The following CARMIL1 variants were observed in gnomAD, a reference collection of about 807,000 sequenced individuals.
The protein encoded by CARMIL1 is capping protein regulator and myosin 1 linker 1.
CARMIL1 carries 90 observed loss-of-function variants against 177.1 expected under a neutral mutation model. The ratio of observed to expected loss-of-function variants is 0.51; its 90% CI spans 0.43 to 0.61. CARMIL1 has a LOEUF of 0.61. Ranked by LOEUF, CARMIL1 falls within the 20% of genes least tolerant of loss-of-function variation. CARMIL1 has a pLI of 0.00. For missense variants in CARMIL1, 1,380 were observed against 1,667.0 expected, an observed-to-expected ratio of 0.83 and a Z score of 3.00; for synonymous variants, 577 against 606.2, an observed-to-expected ratio of 0.95 and a Z score of 0.71.
At chr6:25,479,092 C>G (rs1446252308) in intron 11 of CARMIL1, 1 of 518,874 alleles carries the variant, frequency 1.9e-6, no homozygotes, top group Non-Finnish European at 3.8e-6. Flanking sequence ...GAGAAGAGGC[C>G]TTTTGTTTCT....
At chr6:25,483,119 T>C (rs150854956) in intron 12 of CARMIL1, among the ~76,000 whole-genome samples, 1 of 152,342 alleles carries the variant, frequency 6.6e-6, no homozygotes, top group African/African-American at 2.4e-5. Flanking sequence ...GTAACATTAT[T>C]GCATAAATAT....
chr6:25,571,278 A>G (rs2151219098), intron 29 of CARMIL1, among the ~76,000 whole-genome samples: 1 of 152,324 alleles, frequency 6.6e-6, no homozygotes, highest in South Asian at 2.1e-4. Context: ...CATTCTGAGC[A>G]CCAAAAAGCA....
intron 2 of CARMIL1, among the ~76,000 whole-genome samples, chr6:25,317,064 C>T (rs867562705): frequency 3.5e-4 from 54 of 152,246 alleles, no homozygotes; most frequent in Non-Finnish European, 5.6e-4. Flanking sequence ...GGGTACTGAG[C>T]GTGCTGTTTA....
chr6:25,399,444 G>A (rs1252383750), intron 2 of CARMIL1, among the ~76,000 whole-genome samples: 1 of 152,178 alleles, frequency 6.6e-6, no homozygotes, highest in African/African-American at 2.4e-5. Flanking sequence ...GATGGTTTAT[G>A]TTTGGTGACT....
chr6:25,303,156 T>C (rs1259961646), intron 2 of CARMIL1, among the ~76,000 whole-genome samples: 4 of 152,160 alleles, frequency 2.6e-5, no homozygotes, highest in Non-Finnish European at 5.9e-5. Flanking sequence ...GAGAGTTGTT[T>C]ATGCTGATTG....
At position 25,279,657 on chromosome 6, in the gene CARMIL1, T is replaced by G; in HGVS notation, c.-139T>G. 1.3e-6 allele frequency: 1 copy of G among 766,938 alleles called. No homozygotes were observed. The highest frequency in any genetic ancestry group is 1.5e-5 in the South Asian group (1 of 66,244). 47.5% of individuals were successfully genotyped at this position (766,938 alleles called of 1,614,324 possible). A position where few individuals can be genotyped will look rare whatever the true frequency, so the allele number is the denominator to read the frequency against. On this transcript the variant is annotated 5_prime_UTR_variant, in exon 1 of 37. Transcript: ENST00000329474. ...GCGGGGGGCGCGCGGCAAAATTCTG[T>G]CTCCGCCCCCCCTTTTCTTGCCCAC...
At chr6:25,292,800 G>C (rs1561943637) in intron 2 of CARMIL1, among the ~76,000 whole-genome samples, 1 of 152,128 alleles carries the variant, frequency 6.6e-6, no homozygotes, top group Non-Finnish European at 1.5e-5. Flanking sequence ...GGAGAGGGGA[G>C]GAAGGTAAGT....
chr6:25,492,350 G>A (rs1334634238), intron 15 of CARMIL1, among the ~76,000 whole-genome samples: 13 of 152,184 alleles, frequency 8.5e-5, no homozygotes, highest in Non-Finnish European at 1.9e-4. Context: ...GGTGAGCTTG[G>A]ATGTAGGTAT....
chr6:25,382,846 G>T (rs752912008), intron 2 of CARMIL1, among the ~76,000 whole-genome samples: 1 of 152,222 alleles, frequency 6.6e-6, no homozygotes, highest in Non-Finnish European at 1.5e-5. Flanking sequence ...GACCCAGGAA[G>T]TTCAGCTGGC....
chr6:25,517,438 T>C, intron 22 of CARMIL1, 23 bp downstream of exon 22: 1 of 1,600,934 alleles, frequency 6.2e-7, no homozygotes, highest in Non-Finnish European at 8.5e-7. Context: ...TAGGATTTCT[T>C]TCTAGGAAAA....
At chr6:25,281,140 A>G (rs62393627) in intron 1 of CARMIL1, among the ~76,000 whole-genome samples, 4,433 of 96,530 alleles carry the variant, frequency 0.046, 140 homozygotes, top group African/African-American at 0.13. Flanking sequence ...GCGCGCGCAC[A>G]CACACACACA....
At chr6:25,300,788 GA>G (rs769498200) in intron 2 of CARMIL1, among the ~76,000 whole-genome samples, 1 of 152,232 alleles carries the variant, frequency 6.6e-6, no homozygotes, top group Non-Finnish European at 1.5e-5. Flanking sequence ...TGAAGTTTGA[GA>G]AACACTTGGT....
Position 25,610,063 on chromosome 6 carries a change from C to T in CARMIL1, c.3861C>T (p.Asp1287=), listed in dbSNP as rs536436271. 5 of 1,613,808 alleles carry T rather than the reference C, an allele frequency of 3.1e-6. No individual in the cohort carries two copies. The highest frequency in any genetic ancestry group is 4.2e-6 in the Non-Finnish European group (5 of 1,179,824). The change falls in exon 36 of 37, where the codon GAC becomes GAT. Residue 1287 remains aspartate (D), a synonymous_variant. Coordinates refer to ENST00000329474, the MANE Select transcript of CARMIL1 (RefSeq NM_017640.6). ...GTGTCTCCTTAGATGACATTCCAGACTCTCCATCTAGCCCGAAAGTTGCCC... is the reference window on the plus strand; with the variant it reads ...GTGTCTCCTTAGATGACATTCCAGATTCTCCATCTAGCCCGAAAGTTGCCC... ...RTASRPDDIP[D]SPSSPKVALL...
chr6:25,546,428 G>A (rs1180649439), intron 26 of CARMIL1, among the ~76,000 whole-genome samples: 1 of 152,054 alleles, frequency 6.6e-6, no homozygotes, highest in Non-Finnish European at 1.5e-5. Flanking sequence ...GGCCAGGCAC[G>A]GTGGCTCACA....
intron 2 of CARMIL1, among the ~76,000 whole-genome samples, chr6:25,393,899 G>C (rs138034849): frequency 6.6e-6 from 1 of 152,194 alleles, no homozygotes; most frequent in African/African-American, 2.4e-5. Context: ...TGTTGCTATT[G>C]TTATTGATGA....
intron 29 of CARMIL1, 54 bp downstream of exon 29, chr6:25,556,904 G>GGTT: frequency 8.9e-7 from 1 of 1,129,366 alleles, no homozygotes; most frequent in Non-Finnish European, 1.2e-6. Flanking sequence ...CTGTGCCATT[G>GGTT]TTTTTTTTTT....
chr6:25,339,171 A>G (rs896680007), intron 2 of CARMIL1, among the ~76,000 whole-genome samples: 1 of 152,190 alleles, frequency 6.6e-6, no homozygotes, highest in African/African-American at 2.4e-5. Context: ...CACCTCTCTC[A>G]TACACACCCA....
Position 25,472,889 on chromosome 6 carries a change from G to A in CARMIL1, c.874+368G>A, listed in dbSNP as rs929676522. On this transcript the variant is annotated intron_variant, in intron 11 of 36. Transcript: ENST00000329474. ...ACGGGTTAGCTGGGTTCTGTGCTCT[G>A]GGTCTGTCTCTCAAGACAAGGCAAG... is the stretch of plus-strand genomic sequence containing the variant. Among the ~76,000 whole-genome samples the A allele has an allele frequency of 2.0e-5, 3 of 152,248 alleles. 1 individual carries two copies. Among genetic ancestry groups the A allele is most frequent in the Admixed American group, 6.5e-5 (1 of 15,290 alleles).
At chr6:25,389,004 A>C (rs1792472863) in intron 2 of CARMIL1, 1 of 152,206 alleles carries the variant, frequency 6.6e-6, no homozygotes, top group Non-Finnish European at 1.5e-5. Context: ...GGCACTACCA[A>C]GAAAGTAGGA....
Sources: allele counts gnomAD v4.1 joint callset (sites outside exome capture counted in the v4.1 genomes callset), GRCh38; gene constraint gnomAD v4.1.1; transcripts MANE v1.5; gene names NCBI Gene and HGNC (gene_info 2026-07-23, HGNC 2026-07-21).